The following MYH10 variants were observed in gnomAD, a reference collection of about 807,000 sequenced individuals.
The protein encoded by MYH10 is myosin-10.
Under a neutral mutation model 257.8 loss-of-function variants are expected in MYH10, and 55 were observed. The ratio of observed to expected loss-of-function variants is 0.21; its 90% CI spans 0.17 to 0.27. The LOEUF is 0.27. Ranked by LOEUF, MYH10 falls within the 10% of genes least tolerant of loss-of-function variation. MYH10 has a pLI of 1.00. For missense variants in MYH10, 1,631 were observed against 2,500.6 expected (o/e 0.65, Z 7.42); for synonymous variants, 854 against 921.7 (o/e 0.93, Z 1.33).
intron 7 of MYH10, among the ~76,000 whole-genome samples, chr17:8,563,956 T>C (rs183106947): frequency 4.7e-5 from 7 of 150,392 alleles, no homozygotes; most frequent in Admixed American, 2.0e-4. Context: ...TTTGTGGAAA[T>C]AGAGAAAGTG....
At position 8,487,419 on chromosome 17, in the gene MYH10, G is replaced by T. The variant is rs756182568; in HGVS notation, c.5046+14C>A. ...GTGGTGCCATCCAGAGACTCCATGG[G>T]TGAAGGCACATACCTGGAGCTTGCG... On this transcript the variant is annotated intron_variant, in intron 36 of 42. Transcript: ENST00000360416. 1 of 1,613,890 alleles carries T rather than the reference G, an allele frequency of 6.2e-7. No individual in the cohort carries two copies. The highest frequency in any genetic ancestry group is 1.3e-5 in the African/African-American group (1 of 75,048).
chr17:8,593,983 A>G (rs968006992), intron 3 of MYH10, among the ~76,000 whole-genome samples: 1 of 152,218 alleles, frequency 6.6e-6, no homozygotes, highest in Non-Finnish European at 1.5e-5. Context: ...GGAAAGACAT[A>G]TAGATCAAAG....
chr17:8,483,661 T>C (rs1914252888), intron 37 of MYH10, among the ~76,000 whole-genome samples: 2 of 152,268 alleles, frequency 1.3e-5, no homozygotes, highest in Non-Finnish European at 2.9e-5. Context: ...TGCAACACTT[T>C]ATCAGTCTCT....
In MYH10 at chr17:8,490,202, CAAAT is replaced by C. The variant is rs1240221069; in HGVS notation, c.4884+134_4884+137del. The C allele has an allele frequency of 2.8e-6, 2 of 711,756 alleles. No individual in the cohort carries two copies. The highest frequency in any genetic ancestry group is 4.7e-6 in the Non-Finnish European group (2 of 426,554). The allele number at this position is 711,756 out of a possible 1,614,324, so 44.1% of individuals were successfully genotyped here. Reference sequence around the variant, plus strand: ...TTAAATAATAAAATTCTCAAATGACCAAATAAATTCATTTTACTCTATGTGTTAC... The same window carrying C: ...TTAAATAATAAAATTCTCAAATGACCAAATTCATTTTACTCTATGTGTTAC... On this transcript the variant is annotated intron_variant, in intron 35 of 42. Coordinates refer to ENST00000360416, the MANE Select transcript of MYH10 (RefSeq NM_001256012.3). This position sits in a 1 kb window ranked among gnomAD's most constrained non-coding sequence, Gnocchi z 4.1.
At chr17:8,572,236 G>GTT (rs796194108) in intron 6 of MYH10, among the ~76,000 whole-genome samples, 1,105 of 84,918 alleles carry the variant, frequency 0.013, 15 homozygotes, top group African/African-American at 0.032. Flanking sequence ...CTCTGTGTGT[G>GTT]TGTGTGTGTG....
intron 4 of MYH10, among the ~76,000 whole-genome samples, chr17:8,581,767 T>C (rs174853): frequency 0.97 from 147,133 of 152,318 alleles, 71,274 homozygotes; most frequent in East Asian, 1. Flanking sequence ...TTATCCATTA[T>C]TGTCCACTCA....
chr17:8,521,238 C>T lies in MYH10; in HGVS notation c.2005G>A (p.Ala669Thr). The T allele has an allele frequency of 6.2e-7, 1 of 1,614,204 alleles. No individual in the cohort carries two copies. The highest frequency in any genetic ancestry group is 8.5e-7 in the Non-Finnish European group (1 of 1,180,048). Residue 669 changes from alanine (A) to threonine (T), a missense_variant, in exon 18 of 43, where the codon GCT becomes ACT. This residue lies in a region of MYH10 where 96 missense variants were observed against 146.2 expected (regional missense o/e 0.66). Coordinates refer to ENST00000360416, the MANE Select transcript of MYH10 (RefSeq NM_001256012.3). ...LDQVTGMTET[A>T]FGSAYKTKKG... ...TTGGTTTTATATGCGGAGCCAAAAG[C>T]TGTCTCAGTCATACCAGTGACTTGA... is the stretch of plus-strand genomic sequence containing the variant.
rs1466075083 is a variant in MYH10, at chr17:8,552,970, G to C, written c.821-826C>G. 1.3e-5 allele frequency among the ~76,000 whole-genome samples: 2 copies of C among 152,214 alleles called. No individual in the cohort carries two copies. Among genetic ancestry groups the C allele is most frequent in the Admixed American group, 6.5e-5 (1 of 15,268 alleles). ...GATGCTCCCGGAGTTCCTATGGGTT[G>C]ACAGTCACACCGGCATCTCAGAGAA... On this transcript the variant is annotated intron_variant, in intron 8 of 42. Transcript: ENST00000360416. The surrounding 1 kb of genome is among the most constrained non-coding windows in gnomAD (Gnocchi z 4.8).
Position 8,504,638 on chromosome 17 carries a change from G to C in MYH10, c.3599+56C>G. On this transcript the variant is annotated intron_variant, in intron 28 of 42. Coordinates refer to ENST00000360416, the MANE Select transcript of MYH10 (RefSeq NM_001256012.3). This position sits in a 1 kb window ranked among gnomAD's most constrained non-coding sequence, Gnocchi z 5.6. ...GCAAGCACACCAGGCATTTCTGCAC[G>C]GGCTCGGTGGAGAGGTCGGCAGGCG... The C allele has an allele frequency of 6.7e-7, 1 of 1,495,664 alleles. No individual in the cohort carries two copies. Among genetic ancestry groups the C allele is most frequent in the East Asian group, 2.3e-5 (1 of 44,148 alleles). 92.6% of individuals were successfully genotyped at this position (1,495,664 alleles called of 1,614,324 possible).
intron 35 of MYH10, among the ~76,000 whole-genome samples, chr17:8,489,745 A>ACACACACACACACACACCCCC (rs1258993754): frequency 6.6e-6 from 1 of 150,700 alleles, no homozygotes; most frequent in African/African-American, 2.5e-5. Context: ...ACACACACAC[A>ACACACACACACACACACCCCC]CCCCAAATCC....
intron 21 of MYH10, among the ~76,000 whole-genome samples, chr17:8,518,338 A>C (rs963616697): frequency 6.6e-6 from 1 of 151,986 alleles, no homozygotes; most frequent in African/African-American, 2.4e-5. Context: ...TTTGCCATGA[A>C]GCCCTGGCTG....
chr17:8,533,204 C>T (rs967974596), intron 16 of MYH10, among the ~76,000 whole-genome samples: 39 of 152,122 alleles, frequency 2.6e-4, no homozygotes, highest in African/African-American at 8.9e-4. Context: ...TTCACTTCTT[C>T]GAATTCAGAA....
At chr17:8,564,519 T>C (rs1192102709) in intron 7 of MYH10, among the ~76,000 whole-genome samples, 1 of 152,224 alleles carries the variant, frequency 6.6e-6, no homozygotes, top group African/African-American at 2.4e-5. Flanking sequence ...GCATATGCAC[T>C]ACCTTCCCCG....
intron 37 of MYH10, among the ~76,000 whole-genome samples, chr17:8,483,598 T>G (rs1174742161): frequency 6.6e-6 from 1 of 152,276 alleles, no homozygotes; most frequent in African/African-American, 2.4e-5. Context: ...TATCCATCAT[T>G]TATACGGTAA....
chr17:8,486,810 G>A (rs1914891015), intron 36 of MYH10, among the ~76,000 whole-genome samples: 4 of 152,036 alleles, frequency 2.6e-5, no homozygotes. Context: ...TGACATTTAG[G>A]GGGTTTCCAT....
At chr17:8,580,312 T>C (rs2083655794) in intron 4 of MYH10, among the ~76,000 whole-genome samples, 1 of 152,046 alleles carries the variant, frequency 6.6e-6, no homozygotes, top group African/African-American at 2.4e-5. Context: ...AAATAGTTTT[T>C]TTCTGTTATC....
At chr17:8,605,460 T>A (rs1011378807) in intron 2 of MYH10, among the ~76,000 whole-genome samples, 1 of 152,132 alleles carries the variant, frequency 6.6e-6, no homozygotes, top group African/African-American at 2.4e-5. Flanking sequence ...AAAATACTCT[T>A]CTTGGCCAGG....
chr17:8,546,655 C>T lies in MYH10; in HGVS notation c.1167G>A (p.Gln389=). The T allele has an allele frequency of 6.2e-7, 1 of 1,613,562 alleles. No homozygotes were observed. Among genetic ancestry groups the T allele is most frequent in the South Asian group, 1.1e-5 (1 of 90,986 alleles). Residue 389 remains glutamine (Q), a synonymous_variant, in exon 12 of 43, where the codon CAG becomes CAA. Transcript: ENST00000360416. ...TCATCCCAAGAAGATGGCAGAGCTT[C>T]TGCGCAACTGAAGTGTAAAAAGTCT... ...QASMPENTVA[Q]KLCHLLGMNV...
chr17:8,502,480 TTGTGTGTGTGTG>T (rs55865122), intron 28 of MYH10, among the ~76,000 whole-genome samples: 3 of 150,142 alleles, frequency 2.0e-5, no homozygotes, highest in Non-Finnish European at 3.0e-5. Context: ...GGGAAAATAG[TTGTGTGTGTGTG>T]TGTGTGTGTG....
Sources: allele counts gnomAD v4.1 joint callset (sites outside exome capture counted in the v4.1 genomes callset), GRCh38; gene constraint gnomAD v4.1.1; regional missense constraint gnomAD v4.1.1; non-coding constraint Gnocchi (gnomAD v3.1); transcripts MANE v1.5; gene names NCBI Gene and HGNC (gene_info 2026-07-23, HGNC 2026-07-21).